The following CTNNA3 variants were observed in gnomAD, a reference collection of about 807,000 sequenced individuals.
The protein encoded by CTNNA3 is catenin alpha-3.
Under a neutral mutation model 95.7 loss-of-function variants are expected in CTNNA3, and 76 were observed. The ratio of observed to expected loss-of-function variants is 0.79; its 90% CI spans 0.66 to 0.96. The LOEUF (loss-of-function observed/expected upper bound fraction) is 0.96, where lower values mean the gene tolerates loss of function less well. Ranked by LOEUF, CTNNA3 falls within the 40% of genes least tolerant of loss-of-function variation. The probability of loss-of-function intolerance (pLI) is 0.00; values close to 1 mark genes in which losing one functional copy is unlikely to be tolerated. For synonymous variants in CTNNA3, 431 were observed against 374.4 expected (o/e 1.15, Z -1.74); for missense variants, 1,191 against 1,089.8 (o/e 1.09, Z -1.31).
At chr10:66,472,312 A>G (rs1307710639) in intron 11 of CTNNA3, among the ~76,000 whole-genome samples, 5 of 151,928 alleles carry the variant, frequency 3.3e-5, no homozygotes, top group African/African-American at 7.2e-5. Flanking sequence ...TGTGTTCTAC[A>G]GCAAAGACAT....
At position 66,101,599 on chromosome 10, in the gene CTNNA3, G is replaced by A. The variant is rs78685005; in HGVS notation, c.1977+1558C>T. On this transcript the variant is annotated intron_variant, in intron 14 of 17. Transcript: ENST00000433211. ...TATAGTAAATGAGAAAATACTTAGC[G>A]CACTGTAAAAACAAATATGTAGATG... Among the ~76,000 whole-genome samples, 170 of 151,990 alleles carry A rather than the reference G, an allele frequency of 1.1e-3. 2 individuals are homozygous for A. The highest frequency in any genetic ancestry group is 1.9e-3 in the Non-Finnish European group (127 of 67,974).
intron 5 of CTNNA3, among the ~76,000 whole-genome samples, chr10:67,346,262 G>A (rs562738557): frequency 5.9e-4 from 89 of 151,938 alleles, no homozygotes; most frequent in Non-Finnish European, 1.2e-3. Flanking sequence ...AGTAGTTTAT[G>A]CACCACAATT....
chr10:66,667,875 C>T (rs927806359), intron 9 of CTNNA3, among the ~76,000 whole-genome samples: 3 of 151,932 alleles, frequency 2.0e-5, no homozygotes, highest in Non-Finnish European at 4.4e-5. Flanking sequence ...GGGCATATGC[C>T]TTAACTTTTC....
Position 67,538,193 on chromosome 10 carries a change from C to T in CTNNA3, c.459+1310G>A, listed in dbSNP as rs1032338935. On this transcript the variant is annotated intron_variant, in intron 4 of 17. Coordinates refer to ENST00000433211, the MANE Select transcript of CTNNA3 (RefSeq NM_013266.4). Reference sequence around the variant, plus strand: ...AAAAAAAAAAAAAGGTATTGAATTGCTGTTTTTACAGTAATAAAACTATCA... The same window carrying T: ...AAAAAAAAAAAAAGGTATTGAATTGTTGTTTTTACAGTAATAAAACTATCA... 2.2e-5 allele frequency among the ~76,000 whole-genome samples: 3 copies of T among 137,348 alleles called. No individual in the cohort carries two copies. In the South Asian group the frequency reaches 6.9e-4, roughly 32 times the overall value. 90.1% of individuals were successfully genotyped at this position (137,348 alleles called of 152,430 possible).
intron 7 of CTNNA3, among the ~76,000 whole-genome samples, chr10:66,856,982 G>A (rs1423504157): frequency 6.6e-6 from 1 of 151,768 alleles, no homozygotes; most frequent in African/African-American, 2.4e-5. Context: ...TTTTTGCCAG[G>A]GACTATGTTC....
chr10:67,051,613 C>G (rs951006626), intron 7 of CTNNA3, among the ~76,000 whole-genome samples: 10 of 151,912 alleles, frequency 6.6e-5, no homozygotes, highest in Admixed American at 3.9e-4. Context: ...ACCTCATGAC[C>G]TGAGATGGTC....
At chr10:66,218,284 T>C (rs1229228781) in intron 13 of CTNNA3, among the ~76,000 whole-genome samples, 1 of 152,172 alleles carries the variant, frequency 6.6e-6, no homozygotes, top group Non-Finnish European at 1.5e-5. Flanking sequence ...TTCACAGCCT[T>C]GTGTAATCCC....
At chr10:66,364,460 G>A (rs2092697906) in intron 12 of CTNNA3, among the ~76,000 whole-genome samples, 1 of 151,910 alleles carries the variant, frequency 6.6e-6, no homozygotes, top group African/African-American at 2.4e-5. Flanking sequence ...AAGATTGGCA[G>A]AAAACTTCTT....
chr10:66,343,132 T>C (rs1315096557), intron 12 of CTNNA3, among the ~76,000 whole-genome samples: 1 of 152,020 alleles, frequency 6.6e-6, no homozygotes, highest in Non-Finnish European at 1.5e-5. Flanking sequence ...GGTGGGAACG[T>C]AAACTAGTAC....
chr10:66,917,912 G>A (rs188156028), intron 7 of CTNNA3, among the ~76,000 whole-genome samples: 4 of 152,192 alleles, frequency 2.6e-5, no homozygotes, highest in Admixed American at 1.3e-4. Flanking sequence ...AAATATTAAG[G>A]TATAAATTTG....
intron 13 of CTNNA3, among the ~76,000 whole-genome samples, chr10:66,253,185 T>C (rs1048283141): frequency 6.6e-6 from 1 of 152,218 alleles, no homozygotes; most frequent in Non-Finnish European, 1.5e-5. Flanking sequence ...CTGGCTCTCC[T>C]GACAGGAGCA....
intron 5 of CTNNA3, among the ~76,000 whole-genome samples, chr10:67,379,089 C>A (rs1843812637): frequency 6.6e-6 from 1 of 152,156 alleles, no homozygotes; most frequent in South Asian, 2.1e-4. Flanking sequence ...ATTCTAAATA[C>A]AAGATTTGAC....
intron 6 of CTNNA3, among the ~76,000 whole-genome samples, chr10:67,182,925 G>A (rs1404769853): frequency 1.3e-5 from 2 of 152,044 alleles, no homozygotes; most frequent in South Asian, 2.1e-4. Context: ...GCAGCCAAAA[G>A]ACACATGAAA....
At chr10:67,569,147 T>A (rs1008706655) in intron 3 of CTNNA3, among the ~76,000 whole-genome samples, 3 of 152,128 alleles carry the variant, frequency 2.0e-5, no homozygotes, top group African/African-American at 7.2e-5. Flanking sequence ...AACTACTAAT[T>A]GCTAAAAAAA....
intron 10 of CTNNA3, among the ~76,000 whole-genome samples, chr10:66,601,719 G>T (rs1843930853): frequency 6.6e-6 from 1 of 151,598 alleles, no homozygotes; most frequent in African/African-American, 2.4e-5. Flanking sequence ...CCTTAGAACA[G>T]AAAAAAATAG....
intron 2 of CTNNA3, among the ~76,000 whole-genome samples, chr10:67,621,323 G>A (rs1301339266): frequency 2.6e-5 from 4 of 152,078 alleles, no homozygotes; most frequent in African/African-American, 9.7e-5. Flanking sequence ...TAAGCCTTCT[G>A]TATCTCCCAT....
At chr10:66,074,275 T>C (rs958648988) in intron 14 of CTNNA3, among the ~76,000 whole-genome samples, 5 of 151,940 alleles carry the variant, frequency 3.3e-5, no homozygotes, top group African/African-American at 1.2e-4. Context: ...CTATAAACAA[T>C]ATTTTGAAAA....
intron 11 of CTNNA3, among the ~76,000 whole-genome samples, chr10:66,483,399 A>G (rs900142427): frequency 2.0e-5 from 3 of 152,010 alleles, no homozygotes; most frequent in Non-Finnish European, 2.9e-5. Context: ...ATGTACATGT[A>G]TGATTTGTGG....
At chr10:66,799,016 T>C (rs1443711404) in intron 7 of CTNNA3, among the ~76,000 whole-genome samples, 1 of 151,636 alleles carries the variant, frequency 6.6e-6, no homozygotes, top group Non-Finnish European at 1.5e-5. Context: ...TCTTTGCATG[T>C]AGAGTAAAAA....
Sources: allele counts gnomAD v4.1 joint callset (sites outside exome capture counted in the v4.1 genomes callset), GRCh38; gene constraint gnomAD v4.1.1; transcripts MANE v1.5; gene names NCBI Gene and HGNC (gene_info 2026-07-23, HGNC 2026-07-21).